BARX1: variants seen among roughly 807,000 people sequenced by gnomAD.
The protein encoded by BARX1 is BARX homeobox 1, also known as homeobox protein BarH-like 1.
BARX1 carries 10 observed loss-of-function variants against 19.6 expected under a neutral mutation model. That is an observed-to-expected ratio of 0.51 (90% CI 0.31 to 0.86). BARX1 has a LOEUF of 0.86. Among genes scored for constraint, BARX1 ranks in the 40% least tolerant of loss-of-function variants. The pLI is 0.04. For synonymous variants in BARX1, 177 were observed against 170.0 expected (o/e 1.04, Z -0.32); for missense variants, 309 against 360.4 (o/e 0.86, Z 1.15).
intron 1 of BARX1, 198 bp from the exon 2 acceptor site, chr9:93,953,385 A>G: frequency 1.7e-6 from 1 of 602,410 alleles, no homozygotes; most frequent in Non-Finnish European, 2.8e-6. Context: ...TTTGGGAGGG[A>G]GTATCTCCTC....
chr9:93,952,798 C>T lies in BARX1; in HGVS notation c.531G>A (p.Glu177=), dbSNP rs192281204. The part of the protein sequence containing the change: ...LSTPDRIDLA[E]SLGLSQLQVK... ...CCTGCAACTGGCTCAGGCCCAGGGA[C>T]TCAGCAAGATCTATTCTGGAAAGAG... Residue 177 remains glutamate, a synonymous_variant, in exon 3 of 4, where the codon GAG becomes GAA. Transcript: ENST00000253968. The T allele has an allele frequency of 1.2e-6, 2 of 1,614,204 alleles. No individual in the cohort carries two copies. The highest frequency in any genetic ancestry group is 1.7e-6 in the Non-Finnish European group (2 of 1,180,038).
intron 3 of BARX1, 22 bp downstream of exon 3, chr9:93,952,707 G>A (rs1372017983): frequency 6.2e-7 from 1 of 1,611,786 alleles, no homozygotes; most frequent in South Asian, 1.1e-5. Context: ...CTGAGGGGTG[G>A]GAAGCCACCA....
At chr9:93,953,265 G>T in intron 1 of BARX1, 78 bp from the exon 2 acceptor site, 1 of 1,408,378 alleles carries the variant, frequency 7.1e-7, no homozygotes, top group Non-Finnish European at 9.3e-7. Flanking sequence ...ACCACGTGCC[G>T]CGGGGGTGCT....
At chr9:93,952,416 T>A (rs1457241273) in intron 3 of BARX1, 88 bp from the exon 4 acceptor site, 1 of 1,490,382 alleles carries the variant, frequency 6.7e-7, no homozygotes, top group Non-Finnish European at 9.0e-7. Context: ...GACTAAGGAG[T>A]GCAGGGTCCA....
rs2118180677 is a variant in BARX1 at position 93,952,656 on chromosome 9, A to G, written c.600+73T>C. On this transcript the variant is annotated intron_variant, in intron 3 of 3. Coordinates refer to ENST00000253968, the MANE Select transcript of BARX1 (RefSeq NM_021570.4). Reference sequence around the variant, plus strand: ...GGGCAGAGTCTCAGTGGGGAGAAAGAGGAGAGCAGCTCTGCATGCACCGGG... The same window carrying G: ...GGGCAGAGTCTCAGTGGGGAGAAAGGGGAGAGCAGCTCTGCATGCACCGGG... 2 of 1,474,260 alleles carry G rather than the reference A, an allele frequency of 1.4e-6. 1 individual carries two copies. The highest frequency in any genetic ancestry group is 1.9e-6 in the Non-Finnish European group (2 of 1,055,864). The allele number at this position is 1,474,260 out of a possible 1,614,324, so 91.3% of individuals were successfully genotyped here. A position where few individuals can be genotyped will look rare whatever the true frequency, so the allele number is the denominator to read the frequency against.
In BARX1 at chr9:93,953,141, C is replaced by T. The variant is rs772117798; in HGVS notation, c.270G>A (p.Ala90=). The T allele has an allele frequency of 2.6e-6, 4 of 1,542,050 alleles. No individual in the cohort carries two copies. Among genetic ancestry groups the T allele is most frequent in the Admixed American group, 4.3e-5 (2 of 46,076 alleles). The change falls in exon 2 of 4, where the codon GCG becomes GCA. Residue 90 remains alanine, a synonymous_variant. Coordinates refer to ENST00000253968, the MANE Select transcript of BARX1 (RefSeq NM_021570.4). ...AGCTCAGCCCTGAACAGCCCAGCGG[C>T]GCCAGTGGGAACTTGAACACCGCCG... ...EQAAVFKFPL[A]PLGCSGLSSA...
rs2118190659 is a variant in BARX1, at chr9:93,955,155, C to T, written c.-9G>A. The T allele has an allele frequency of 9.1e-7, 1 of 1,101,626 alleles. No individual in the cohort carries two copies. The highest frequency in any genetic ancestry group is 5.2e-5 in the Admixed American group (1 of 19,272). The allele number at this position is 1,101,626 out of a possible 1,614,324, so 68.2% of individuals were successfully genotyped here. A position where few individuals can be genotyped will look rare whatever the true frequency, so the allele number is the denominator to read the frequency against. On this transcript the variant is annotated 5_prime_UTR_variant, in exon 1 of 4. Transcript: ENST00000253968. This position sits in a 1 kb window ranked among gnomAD's most constrained non-coding sequence, Gnocchi z 4.4. The stretch of plus-strand genomic sequence containing the variant: ...TCCCCCGGCCGCTGCATCGCGGCGC[C>T]CACTGCTGCGCCCGCGGTTTGGCGG...
At position 93,952,879 on chromosome 9, in the gene BARX1, G is replaced by A. The variant is rs771270901; in HGVS notation, c.515+17C>T. On this transcript the variant is annotated intron_variant, in intron 2 of 3. Coordinates refer to ENST00000253968, the MANE Select transcript of BARX1 (RefSeq NM_021570.4). ...ACACTCCCACAGCCCGCTGGCCCCA[G>A]CCTTGTACCGCCCTACCTGTCCGGC... 46 of 1,609,484 alleles carry A rather than the reference G, an allele frequency of 2.9e-5. No individual in the cohort carries two copies. The South Asian group carries it at 4.3e-4, about 15-fold the overall frequency.
Position 93,951,822 on chromosome 9 carries a change from G to A in BARX1, c.*342C>T. The stretch of plus-strand genomic sequence containing the variant: ...CGGGTGTGTGCCTGGAGGCTCCCCG[G>A]CCGGGAGGGCAGGCCCCAGACGGGG... On this transcript the variant is annotated 3_prime_UTR_variant, in exon 4 of 4. Transcript: ENST00000253968. 4.1e-6 allele frequency: 1 copy of A among 246,036 alleles called. No individual in the cohort carries two copies. The highest frequency in any genetic ancestry group is 7.9e-6 in the Non-Finnish European group (1 of 126,850). 15.2% of individuals were successfully genotyped at this position (246,036 alleles called of 1,614,324 possible).
rs1829152079 is a variant in BARX1 at position 93,955,349 on chromosome 9, G to A, written c.-203C>T. On this transcript the variant is annotated 5_prime_UTR_variant, in exon 1 of 4. Transcript: ENST00000253968. This position sits in a 1 kb window ranked among gnomAD's most constrained non-coding sequence, Gnocchi z 4.4. ...CGCGGGGCTCGGCCGGTCGAACCCG[G>A]GACTGCGCCCCCTCCCCACGCCGCC... 1 of 146,532 alleles carries A rather than the reference G, an allele frequency of 6.8e-6. No homozygotes were observed. Among genetic ancestry groups the A allele is most frequent in the Admixed American group, 6.8e-5 (1 of 14,740 alleles). The allele number at this position is 146,532 out of a possible 1,614,324, so 9.1% of individuals were successfully genotyped here.
rs549526966 is a variant in BARX1 at position 93,953,131 on chromosome 9, A to G, written c.280T>C (p.Cys94Arg). ...AGCAACGCAGAGCTCAGCCCTGAAC[A>G]GCCCAGCGGCGCCAGTGGGAACTTG... ...VFKFPLAPLG[C>R]SGLSSALLAA... is the part of the protein sequence containing the mutation. Residue 94 changes from cysteine to arginine, a missense_variant, in exon 2 of 4, where the codon TGT (cysteine) becomes CGT (arginine). Around this residue, in one of 3 missense-constraint regions of BARX1, gnomAD observed 204 missense variants for 206.8 expected, o/e 0.99. Coordinates refer to ENST00000253968, the MANE Select transcript of BARX1 (RefSeq NM_021570.4). The G allele has an allele frequency of 2.0e-5, 31 of 1,544,132 alleles. No homozygotes were observed. The highest frequency in any genetic ancestry group is 2.5e-5 in the Non-Finnish European group (29 of 1,150,770).
intron 1 of BARX1, among the ~76,000 whole-genome samples, chr9:93,954,514 T>C (rs1039947192): frequency 6.6e-6 from 1 of 152,172 alleles, no homozygotes; most frequent in Non-Finnish European, 1.5e-5. Flanking sequence ...AGGTCCGACT[T>C]CCCTGGGTTG....
intron 1 of BARX1, 153 bp from the exon 2 acceptor site, chr9:93,953,340 G>T (rs556879736): frequency 4.8e-6 from 4 of 838,358 alleles, no homozygotes; most frequent in Admixed American, 6.5e-5. Flanking sequence ...CGGTGGCGCA[G>T]ATGGAGACCC....
In BARX1 at chr9:93,954,841, G is replaced by A. The variant is rs1054452246; in HGVS notation, c.223+83C>T. ...AGCTTCCCGGGGCTGCTTCGATGCC[G>A]GAGGAGGCTCGGGGCGCCCCCGCGG... is the stretch of plus-strand genomic sequence containing the variant. On this transcript the variant is annotated intron_variant, in intron 1 of 3. Coordinates refer to ENST00000253968, the MANE Select transcript of BARX1 (RefSeq NM_021570.4). The A allele has an allele frequency of 1.1e-5, 11 of 1,008,524 alleles. No homozygotes were observed. The Admixed American group carries it at 1.3e-4, about 12-fold the overall frequency. The allele number at this position is 1,008,524 out of a possible 1,614,324, so 62.5% of individuals were successfully genotyped here.
At position 93,952,821 on chromosome 9, in the gene BARX1, G is replaced by C. The variant is rs981090993; in HGVS notation, c.516-8C>G. 3.1e-6 allele frequency: 5 copies of C among 1,614,026 alleles called. No homozygotes were observed. The highest frequency in any genetic ancestry group is 4.2e-6 in the Non-Finnish European group (5 of 1,180,032). On this transcript the variant is annotated splice_polypyrimidine_tract_variant and splice_region_variant and intron_variant, in intron 2 of 3. Transcript: ENST00000253968. ...GACTCAGCAAGATCTATTCTGGAAA[G>C]AGCAGGGCGCACCCTCAGCAAGGCA...
At chr9:93,954,026 TGC>T (rs1829131941) in intron 1 of BARX1, among the ~76,000 whole-genome samples, 1 of 151,882 alleles carries the variant, frequency 6.6e-6, no homozygotes, top group East Asian at 1.9e-4. Flanking sequence ...GTCACTGAGG[TGC>T]GAGTCCTAGC....
In BARX1 at chr9:93,952,202, C is replaced by A. The variant is rs1226080454; in HGVS notation, c.727G>T (p.Val243Leu). ...CTCCTGTCGCTGGGCTCGCCCGGCA[C>A]CTCCGCCGGTTTCTCTGCATCCTTG... ...RAKDAEKPAE[V>L]PGEPSDRSRE... The change falls in exon 4 of 4, where the codon GTG becomes TTG. Residue 243 changes from valine (V) to leucine (L), a missense_variant. Around this residue, in one of 3 missense-constraint regions of BARX1, gnomAD observed 71 missense variants for 80.4 expected, o/e 0.88. Coordinates refer to ENST00000253968, the MANE Select transcript of BARX1 (RefSeq NM_021570.4). 1 of 1,610,630 alleles carries A rather than the reference C, an allele frequency of 6.2e-7. No homozygotes were observed. Among genetic ancestry groups the A allele is most frequent in the Non-Finnish European group, 8.5e-7 (1 of 1,179,876 alleles).
At position 93,952,145 on chromosome 9, in the gene BARX1, C is replaced by A. The variant is rs756390992; in HGVS notation, c.*19G>T. 2.5e-6 allele frequency: 4 copies of A among 1,602,302 alleles called. No homozygotes were observed. In the South Asian group the frequency reaches 4.4e-5, roughly 18 times the overall value. On this transcript the variant is annotated 3_prime_UTR_variant, in exon 4 of 4. Coordinates refer to ENST00000253968, the MANE Select transcript of BARX1 (RefSeq NM_021570.4). Reference sequence around the variant, plus strand: ...TGCGGGTGGCGCGGGCATCCCAGGCCCCGCACCGTATACCGCCCTCAGTCC... The same window carrying A: ...TGCGGGTGGCGCGGGCATCCCAGGCACCGCACCGTATACCGCCCTCAGTCC...
Position 93,953,021 on chromosome 9 carries a change from T to G in BARX1, c.390A>C (p.Ala130=), listed in dbSNP as rs1051042948. The change falls in exon 2 of 4, where the codon GCA becomes GCC. Residue 130 remains alanine (A), a synonymous_variant. Coordinates refer to ENST00000253968, the MANE Select transcript of BARX1 (RefSeq NM_021570.4). ...CTTTGGTGCCTGGCTCCCCAGGGCC[T>G]GCCGCCTCCAGCTTCCCGCGGAGCT... ...ELQLRGKLEA[A]GPGEPGTKAK... The G allele has an allele frequency of 6.4e-7, 1 of 1,573,638 alleles. No homozygotes were observed. Among genetic ancestry groups the G allele is most frequent in the East Asian group, 2.4e-5 (1 of 42,134 alleles).
Sources: gnomAD v4.1 joint callset for allele counts (sites outside exome capture counted in the v4.1 genomes callset) on GRCh38, gnomAD v4.1.1 for gene constraint, gnomAD v4.1.1 regional missense constraint, Gnocchi (gnomAD v3.1) non-coding constraint, MANE v1.5 for transcripts, NCBI Gene and HGNC (gene_info 2026-07-23, HGNC 2026-07-21) for gene names.